The following SCAI variants were observed in gnomAD, a reference collection of about 807,000 sequenced individuals.
SCAI encodes the protein protein SCAI.
SCAI carries 24 observed loss-of-function variants against 92.2 expected under a neutral mutation model. The observed-to-expected ratio is 0.26, with a 90% confidence interval of 0.19 to 0.37. SCAI has a LOEUF of 0.37. Among genes scored for constraint, SCAI ranks in the 10% least tolerant of loss-of-function variants. The pLI is 1.00. For synonymous variants in SCAI, 261 were observed against 258.6 expected, an observed-to-expected ratio of 1.01 and a Z score of -0.09; for missense variants, 450 against 736.2, an observed-to-expected ratio of 0.61 and a Z score of 4.50.
At chr9:125,102,623 A>C (rs1484048860) in intron 2 of SCAI, among the ~76,000 whole-genome samples, 1 of 150,530 alleles carries the variant, frequency 6.6e-6, no homozygotes, top group East Asian at 1.9e-4. Context: ...TTTGAGATGG[A>C]GTGTCACTCT....
chr9:125,004,152 G>A (rs1832422884), intron 9 of SCAI, among the ~76,000 whole-genome samples: 1 of 151,896 alleles, frequency 6.6e-6, no homozygotes, highest in African/African-American at 2.4e-5. Context: ...TTCCAGCCTG[G>A]GTAACAGAGA....
intron 3 of SCAI, among the ~76,000 whole-genome samples, chr9:125,037,566 G>A (rs1001954113): frequency 6.6e-6 from 1 of 152,256 alleles, no homozygotes; most frequent in African/African-American, 2.4e-5. Context: ...TAAGGAAATT[G>A]TATTTCTGTT....
At chr9:125,120,598 C>T (rs1835137623) in intron 2 of SCAI, among the ~76,000 whole-genome samples, 1 of 152,176 alleles carries the variant, frequency 6.6e-6, no homozygotes, top group Non-Finnish European at 1.5e-5. Flanking sequence ...GAGGCTGAGG[C>T]AGGAGAATCA....
chr9:125,025,792 A>G (rs1222460815), intron 6 of SCAI, among the ~76,000 whole-genome samples: 1 of 152,248 alleles, frequency 6.6e-6, no homozygotes, highest in Non-Finnish European at 1.5e-5. Flanking sequence ...GATTTACAAG[A>G]GTGGGGCTTT....
intron 2 of SCAI, among the ~76,000 whole-genome samples, chr9:125,069,568 T>C (rs1257545355): frequency 1.4e-5 from 2 of 147,714 alleles, no homozygotes; most frequent in African/African-American, 5.0e-5. Context: ...TCCGCCCGCC[T>C]CAGCCTCCCA....
In SCAI at chr9:125,002,759, C is replaced by T. The variant is rs535146508; in HGVS notation, c.1065+355G>A. 1.3e-4 allele frequency among the ~76,000 whole-genome samples: 20 copies of T among 151,910 alleles called. No individual in the cohort carries two copies. In the East Asian group the frequency reaches 2.5e-3, roughly 19 times the overall value. ...TTGGCCTCCCAAAGTGCTGGGATTACAGGAGTGAGCCACCACGCCTGGCCA... is the reference window on the plus strand; with the variant it reads ...TTGGCCTCCCAAAGTGCTGGGATTATAGGAGTGAGCCACCACGCCTGGCCA... On this transcript the variant is annotated intron_variant, in intron 11 of 17. Coordinates refer to ENST00000336505, the MANE Select transcript of SCAI (RefSeq NM_001144877.3).
intron 2 of SCAI, among the ~76,000 whole-genome samples, chr9:125,116,343 T>C (rs935362059): frequency 3.9e-5 from 6 of 152,162 alleles, no homozygotes; most frequent in Admixed American, 3.9e-4. Context: ...AACAAAGAAA[T>C]ATCCCTGCCC....
rs376566407 is a variant in SCAI at position 125,108,500 on chromosome 9, G to T, written c.98+34133C>A. Among the ~76,000 whole-genome samples the T allele has an allele frequency of 2.0e-3, 308 of 151,802 alleles. 8 individuals carry two copies. In the East Asian group the frequency reaches 0.051, roughly 25 times the overall value. On this transcript the variant is annotated intron_variant, in intron 2 of 17. Coordinates refer to ENST00000336505, the MANE Select transcript of SCAI (RefSeq NM_001144877.3). Reference sequence around the variant, plus strand: ...TGCCCCGCCGCCCCGTCTGGGATGTGAGGAGCGTCTCTGCCCGGCTGCGAC... The same window carrying T: ...TGCCCCGCCGCCCCGTCTGGGATGTTAGGAGCGTCTCTGCCCGGCTGCGAC...
intron 17 of SCAI, among the ~76,000 whole-genome samples, chr9:124,962,177 G>GGC: frequency 7.0e-6 from 1 of 143,740 alleles, no homozygotes; most frequent in Non-Finnish European, 1.5e-5. Context: ...TTTTGCGGGG[G>GGC]GGGATGGAGT....
intron 3 of SCAI, among the ~76,000 whole-genome samples, chr9:125,051,400 C>T (rs888132169): frequency 6.6e-6 from 1 of 152,182 alleles, no homozygotes; most frequent in Non-Finnish European, 1.5e-5. Context: ...TGCTTATCCA[C>T]TCTTCCAGGT....
chr9:124,995,168 A>G (rs1168448002), intron 13 of SCAI, among the ~76,000 whole-genome samples, 153 bp from the exon 14 acceptor site: 3 of 152,168 alleles, frequency 2.0e-5, no homozygotes, highest in African/African-American at 7.2e-5. Flanking sequence ...GCCTGTATTT[A>G]CTAGGATAGC....
chr9:125,117,593 G>A (rs982716581), intron 2 of SCAI, among the ~76,000 whole-genome samples: 1 of 144,058 alleles, frequency 6.9e-6, no homozygotes, highest in African/African-American at 2.6e-5. Flanking sequence ...TTGTGCCTGG[G>A]AGGCAGAGGC....
chr9:125,115,528 A>G (rs1179745786), intron 2 of SCAI, among the ~76,000 whole-genome samples: 1 of 152,172 alleles, frequency 6.6e-6, no homozygotes, highest in Non-Finnish European at 1.5e-5. Flanking sequence ...ACCATGTAAC[A>G]GTTTAAATGG....
rs1486008392 is a variant in SCAI at position 124,943,450 on chromosome 9, C to T, written c.*9357G>A. The T allele has an allele frequency of 1.3e-5, 2 of 152,258 alleles. No individual in the cohort carries two copies. The highest frequency in any genetic ancestry group is 3.4e-3 in the Middle Eastern group (1 of 294). The allele number at this position is 152,258 out of a possible 1,614,324, so 9.4% of individuals were successfully genotyped here. Reference sequence around the variant, plus strand: ...CAACCAAATAGCTTCATTATTTGCACGACAGATTAGCAGCACTTGGATAAG... The same window carrying T: ...CAACCAAATAGCTTCATTATTTGCATGACAGATTAGCAGCACTTGGATAAG... On this transcript the variant is annotated 3_prime_UTR_variant, in exon 18 of 18. Transcript: ENST00000336505.
At chr9:125,064,915 CA>C (rs1219989478) in intron 2 of SCAI, among the ~76,000 whole-genome samples, 1 of 151,896 alleles carries the variant, frequency 6.6e-6, no homozygotes, top group African/African-American at 2.4e-5. Flanking sequence ...ATTCACGGGT[CA>C]AAAAACATCA....
intron 14 of SCAI, among the ~76,000 whole-genome samples, chr9:124,982,542 T>C (rs1831907587): frequency 6.6e-6 from 1 of 152,046 alleles, no homozygotes; most frequent in Admixed American, 6.6e-5. Flanking sequence ...TAGCCGGGTA[T>C]GGTAACATGC....
chr9:124,956,989 ATTTTTT>A (rs35575491), intron 17 of SCAI, among the ~76,000 whole-genome samples: 1 of 141,192 alleles, frequency 7.1e-6, no homozygotes, highest in South Asian at 2.3e-4. Context: ...GGTCAACTGT[ATTTTTT>A]TTTTTTTTTT....
At chr9:125,110,522 G>A (rs1191616315) in intron 2 of SCAI, among the ~76,000 whole-genome samples, 1 of 152,152 alleles carries the variant, frequency 6.6e-6, no homozygotes, top group Non-Finnish European at 1.5e-5. Context: ...CCCCAATGTT[G>A]GAGGTGGAGT....
At chr9:125,025,906 T>C (rs945488699) in intron 6 of SCAI, among the ~76,000 whole-genome samples, 8 of 152,250 alleles carry the variant, frequency 5.3e-5, no homozygotes, top group Admixed American at 2.0e-4. Flanking sequence ...TAAGAGAATA[T>C]AATCTTTTCA....
Sources: allele counts gnomAD v4.1 joint callset (sites outside exome capture counted in the v4.1 genomes callset), GRCh38; gene constraint gnomAD v4.1.1; transcripts MANE v1.5; gene names NCBI Gene and HGNC (gene_info 2026-07-23, HGNC 2026-07-21).